TCF7: variants seen among roughly 807,000 people sequenced by gnomAD.
TCF7 encodes T-cell-factor-7.
Under a neutral mutation model 46.8 loss-of-function variants are expected in TCF7, and 19 were observed. That is an observed-to-expected ratio of 0.41 (90% CI 0.28 to 0.60). The LOEUF (loss-of-function observed/expected upper bound fraction) is 0.60. Among genes scored for constraint, TCF7 ranks in the 20% least tolerant of loss-of-function variants. The pLI, the probability that TCF7 is intolerant of heterozygous loss-of-function variation, is 0.35. For synonymous variants in TCF7, 245 were observed against 213.4 expected, an observed-to-expected ratio of 1.15 and a Z score of -1.29; for missense variants, 547 against 504.6, an observed-to-expected ratio of 1.08 and a Z score of -0.81.
rs560949123 is a variant in TCF7 at position 134,147,534 on chromosome 5, T to G, written c.*1231T>G. 6.6e-6 allele frequency: 1 copy of G among 152,662 alleles called. No individual in the cohort carries two copies. Among genetic ancestry groups the G allele is most frequent in the African/African-American group, 2.4e-5 (1 of 41,520 alleles). 9.5% of individuals were successfully genotyped at this position (152,662 alleles called of 1,614,324 possible). A position where few individuals can be genotyped will look rare whatever the true frequency, so the allele number is the denominator to read the frequency against. On this transcript the variant is annotated 3_prime_UTR_variant, in exon 10 of 10. Transcript: ENST00000342854. Reference sequence around the variant, plus strand: ...CTGCGGGACAGAGGACCATTACAACTAGATCAAGGAGCCCAGAAAACCTCC... The same window carrying G: ...CTGCGGGACAGAGGACCATTACAACGAGATCAAGGAGCCCAGAAAACCTCC...
chr5:134,124,820 G>A (rs1431720836), intron 3 of TCF7, among the ~76,000 whole-genome samples: 1 of 152,200 alleles, frequency 6.6e-6, no homozygotes, highest in Non-Finnish European at 1.5e-5. Flanking sequence ...AGTGGGTGTG[G>A]ACTTTGGGGG....
chr5:134,137,477 G>A (rs944466926), intron 3 of TCF7, among the ~76,000 whole-genome samples: 2 of 151,698 alleles, frequency 1.3e-5, no homozygotes, highest in Non-Finnish European at 2.9e-5. Context: ...AGAGTCCTGC[G>A]GTGCTGAGGA....
Position 134,114,754 on chromosome 5 carries a change from G to A in TCF7, c.-153G>A, listed in dbSNP as rs1755561124. The stretch of plus-strand genomic sequence containing the variant: ...CGCTCTGCCCCGCGCCCTAGCCCGC[G>A]CCTGCAGCCCGCCCAGGCGGAGTCA... On this transcript the variant is annotated 5_prime_UTR_variant, in exon 1 of 10. Transcript: ENST00000342854. 1 of 775,122 alleles carries A rather than the reference G, an allele frequency of 1.3e-6. No individual in the cohort carries two copies. Among genetic ancestry groups the A allele is most frequent in the South Asian group, 5.8e-5 (1 of 17,250 alleles). 48.0% of individuals were successfully genotyped at this position (775,122 alleles called of 1,614,324 possible). A position where few individuals can be genotyped will look rare whatever the true frequency, so the allele number is the denominator to read the frequency against.
chr5:134,116,438 G>A (rs1247553550), intron 3 of TCF7, among the ~76,000 whole-genome samples: 2 of 152,242 alleles, frequency 1.3e-5, no homozygotes, highest in Admixed American at 6.5e-5. Context: ...CCTCCTTGGC[G>A]CTTGGAGGAA....
At chr5:134,140,040 C>T (rs532781015) in intron 5 of TCF7, among the ~76,000 whole-genome samples, 15 of 152,272 alleles carry the variant, frequency 9.9e-5, no homozygotes, top group African/African-American at 3.4e-4. Flanking sequence ...GTGCTGAAGA[C>T]CAAGAGAGTT....
chr5:134,146,404 A>C lies in TCF7; in HGVS notation c.*101A>C. ...CTAGCCCTGCGGAGCCGGCACCTAC[A>C]TCCCCAGGTCTCTCCACTGCTCTCA... On this transcript the variant is annotated 3_prime_UTR_variant, in exon 10 of 10. Coordinates refer to ENST00000342854, the MANE Select transcript of TCF7 (RefSeq NM_003202.5). 1 of 1,417,576 alleles carries C rather than the reference A, an allele frequency of 7.1e-7. No individual in the cohort carries two copies. The highest frequency in any genetic ancestry group is 1.0e-6 in the Non-Finnish European group (1 of 1,001,342). 87.8% of individuals were successfully genotyped at this position (1,417,576 alleles called of 1,614,324 possible).
chr5:134,145,987 A>G, intron 9 of TCF7: 1 of 1,474,252 alleles, frequency 6.8e-7, no homozygotes, highest in Non-Finnish European at 8.9e-7. Context: ...GACAGCCCAT[A>G]GGCCTAGTGA....
chr5:134,142,464 A>C (rs1401306095), intron 6 of TCF7, among the ~76,000 whole-genome samples, 160 bp downstream of exon 6: 1 of 152,072 alleles, frequency 6.6e-6, no homozygotes, highest in Non-Finnish European at 1.5e-5. Context: ...GGGATGGGGA[A>C]CAAGGATTTT....
At chr5:134,128,452 A>G (rs1215256506) in intron 3 of TCF7, among the ~76,000 whole-genome samples, 2 of 151,914 alleles carry the variant, frequency 1.3e-5, no homozygotes, top group South Asian at 2.1e-4. Context: ...ATAAATGGCT[A>G]GACAGTCCAG....
In TCF7 at chr5:134,114,721, C is replaced by A. The variant is rs879053568; in HGVS notation, c.-186C>A. ...CCTTTGATGTTCCGACCCGCCAGCT[C>A]GCGGAGCCGCTCTGCCCCGCGCCCT... On this transcript the variant is annotated 5_prime_UTR_variant, in exon 1 of 10. The change creates a premature stop within an existing upstream ORF in the 5' untranslated region. Transcript: ENST00000342854. The A allele has an allele frequency of 5.7e-4, 254 of 445,562 alleles. 1 individual carries two copies. The highest frequency in any genetic ancestry group is 2.0e-3 in the Admixed American group (31 of 15,372). The allele number at this position is 445,562 out of a possible 1,614,324, so 27.6% of individuals were successfully genotyped here.
intron 3 of TCF7, among the ~76,000 whole-genome samples, chr5:134,119,303 G>T (rs1756260430): frequency 6.6e-6 from 1 of 152,184 alleles, no homozygotes; most frequent in South Asian, 2.1e-4. Context: ...GAGACAGAAA[G>T]AGGATTAGTG....
intron 3 of TCF7, among the ~76,000 whole-genome samples, chr5:134,116,282 G>T (rs1254599208): frequency 6.6e-6 from 1 of 152,254 alleles, no homozygotes; most frequent in Non-Finnish European, 1.5e-5. Context: ...TCATAAGCAG[G>T]TGCAGGCTCT....
At chr5:134,113,195 C>T (rs1186337868), upstream of TCF7, among the ~76,000 whole-genome samples, 2 of 152,216 alleles carry the variant, frequency 1.3e-5, no homozygotes, top group Admixed American at 1.3e-4. Context: ...GCTGGGGAGA[C>T]CTAATGGGCA....
At chr5:134,125,655 C>T (rs139167321) in intron 3 of TCF7, among the ~76,000 whole-genome samples, 1 of 152,388 alleles carries the variant, frequency 6.6e-6, no homozygotes, top group East Asian at 1.9e-4. Context: ...TATTGGAAAG[C>T]TAGTGGAACC....
chr5:134,117,683 G>A (rs1260803855), intron 3 of TCF7, among the ~76,000 whole-genome samples: 1 of 152,260 alleles, frequency 6.6e-6, no homozygotes, highest in African/African-American at 2.4e-5. Context: ...TGGGTCAAGA[G>A]TAGGCTCTAA....
Position 134,138,972 on chromosome 5 carries a change from C to T in TCF7, c.569C>T (p.Pro190Leu), listed in dbSNP as rs1043782130. The T allele has an allele frequency of 6.2e-7, 1 of 1,614,040 alleles. No homozygotes were observed. The highest frequency in any genetic ancestry group is 8.5e-7 in the Non-Finnish European group (1 of 1,180,024). ...GCAGTTCACAGGCCTCTGCAGACCCCTGACCTCTCTGGCTTCTACTCCCTG... is the reference window on the plus strand; with the variant it reads ...GCAGTTCACAGGCCTCTGCAGACCCTTGACCTCTCTGGCTTCTACTCCCTG... ...QKQVHRPLQT[P>L]DLSGFYSLTS... Residue 190 changes from proline (P) to leucine (L), a missense_variant, in exon 5 of 10, where the codon CCT becomes CTT. Coordinates refer to ENST00000342854, the MANE Select transcript of TCF7 (RefSeq NM_003202.5).
intron 9 of TCF7, chr5:134,145,542 G>A (rs1561704756): frequency 3.2e-6 from 2 of 616,280 alleles, no homozygotes; most frequent in East Asian, 2.8e-5. Flanking sequence ...GCCAGGCCTG[G>A]CAGGGCTAAG....
At chr5:134,127,364 T>C (rs1014779869) in intron 3 of TCF7, among the ~76,000 whole-genome samples, 2 of 152,254 alleles carry the variant, frequency 1.3e-5, no homozygotes, top group African/African-American at 4.8e-5. Flanking sequence ...GAATGTTATA[T>C]GGAAAAGTAT....
At chr5:134,126,348 G>A (rs1757342787) in intron 3 of TCF7, among the ~76,000 whole-genome samples, 1 of 152,222 alleles carries the variant, frequency 6.6e-6, no homozygotes, top group Non-Finnish European at 1.5e-5. Context: ...GAGAGCCAAG[G>A]CCACAGGGTC....
Sources: allele counts gnomAD v4.1 joint callset (sites outside exome capture counted in the v4.1 genomes callset), GRCh38; gene constraint gnomAD v4.1.1; transcripts MANE v1.5; gene names NCBI Gene and HGNC (gene_info 2026-07-23, HGNC 2026-07-21).